The following EPB41L3 variants were observed in gnomAD, a reference collection of about 807,000 sequenced individuals.
The protein encoded by EPB41L3 is band 4.1-like protein 3.
A neutral mutation model predicts 127.1 loss-of-function variants in EPB41L3; 57 were observed. The ratio of observed to expected loss-of-function variants is 0.45; its 90% CI spans 0.36 to 0.56. The LOEUF (loss-of-function observed/expected upper bound fraction) is 0.56. Ranked by LOEUF, EPB41L3 falls within the 20% of genes least tolerant of loss-of-function variation. EPB41L3 has a pLI of 0.00. For missense variants in EPB41L3, 1,273 were observed against 1,372.2 expected, an observed-to-expected ratio of 0.93 and a Z score of 1.14; for synonymous variants, 572 against 549.5, an observed-to-expected ratio of 1.04 and a Z score of -0.57.
chr18:5,620,691 C>A (rs971547224), intron 1 of EPB41L3, among the ~76,000 whole-genome samples: 2 of 152,064 alleles, frequency 1.3e-5, no homozygotes, highest in African/African-American at 4.8e-5. Flanking sequence ...TGCCATCTGA[C>A]CTTTTTAAAA....
In EPB41L3 at chr18:5,620,652, T is replaced by C. The variant is rs1356434004; in HGVS notation, c.-467-6229A>G. Reference sequence around the variant, plus strand: ...GACTCATACATTTTGTGAAAGAAAGTATCTACATCATCCGATCTTTTAAAA... The same window carrying C: ...GACTCATACATTTTGTGAAAGAAAGCATCTACATCATCCGATCTTTTAAAA... On this transcript the variant is annotated intron_variant, in intron 1 of 21. Transcript: ENST00000545076. 5.3e-5 allele frequency among the ~76,000 whole-genome samples: 8 copies of C among 152,330 alleles called. No individual in the cohort carries two copies. The East Asian group carries it at 1.5e-3, about 29-fold the overall frequency.
At chr18:5,453,532 CAT>C (rs1322565933) in intron 3 of EPB41L3, among the ~76,000 whole-genome samples, 1 of 152,164 alleles carries the variant, frequency 6.6e-6, no homozygotes, top group Non-Finnish European at 1.5e-5. Context: ...CAAACCCACT[CAT>C]GTTAATACAT....
upstream of EPB41L3, among the ~76,000 whole-genome samples, chr18:5,629,316 G>C (rs1289907184): frequency 6.6e-6 from 1 of 151,934 alleles, no homozygotes; most frequent in Non-Finnish European, 1.5e-5. Flanking sequence ...GCGCGCAGCT[G>C]GCGGCGAGGG....
intron 16 of EPB41L3, among the ~76,000 whole-genome samples, chr18:5,402,927 T>C (rs963894853): frequency 6.6e-6 from 1 of 152,212 alleles, no homozygotes; most frequent in African/African-American, 2.4e-5. Context: ...GAACTGACTA[T>C]AGTAATCATC....
At chr18:5,393,517 C>A (rs560573652) in intron 22 of EPB41L3, 39 bp from the exon 23 acceptor site, 23 of 699,978 alleles carry the variant, frequency 3.3e-5, no homozygotes, top group Admixed American at 2.8e-4. Flanking sequence ...CATTTGAAAA[C>A]AACTGAAAGA....
At chr18:5,599,973 A>C (rs2094573543) in intron 3 of EPB41L3, among the ~76,000 whole-genome samples, 1 of 152,156 alleles carries the variant, frequency 6.6e-6, no homozygotes, top group East Asian at 1.9e-4. Flanking sequence ...ATACCGTGAT[A>C]CAGTGATATT....
chr18:5,441,462 A>ATT (rs201943060), intron 5 of EPB41L3, among the ~76,000 whole-genome samples: 64 of 139,730 alleles, frequency 4.6e-4, no homozygotes, highest in African/African-American at 1.5e-3. Context: ...TCGAATTCCA[A>ATT]TTTTTTTTTT....
At chr18:5,542,990 C>T (rs989599077) in intron 1 of EPB41L3, among the ~76,000 whole-genome samples, 3 of 152,166 alleles carry the variant, frequency 2.0e-5, no homozygotes, top group Admixed American at 2.0e-4. Context: ...CCTAGCCTCC[C>T]CACCCCCACC....
At chr18:5,504,879 G>A (rs1335372869) in intron 1 of EPB41L3, among the ~76,000 whole-genome samples, 1 of 152,082 alleles carries the variant, frequency 6.6e-6, no homozygotes, top group Non-Finnish European at 1.5e-5. Flanking sequence ...CAGTGCTCCA[G>A]GTGCTGAGTG....
intron 1 of EPB41L3, among the ~76,000 whole-genome samples, chr18:5,628,563 T>C (rs550791391): frequency 5.6e-4 from 85 of 152,268 alleles, no homozygotes; most frequent in African/African-American, 1.9e-3. Context: ...TCCCTTTCCT[T>C]GTCTTGTGGA....
chr18:5,590,052 A>C (rs1185325815), intron 3 of EPB41L3, among the ~76,000 whole-genome samples: 2 of 152,216 alleles, frequency 1.3e-5, no homozygotes, highest in African/African-American at 4.8e-5. Flanking sequence ...AGAAACATCC[A>C]TTTATTTTCC....
chr18:5,618,513 C>T (rs1331360090), intron 1 of EPB41L3, among the ~76,000 whole-genome samples: 1 of 152,168 alleles, frequency 6.6e-6, no homozygotes, highest in Admixed American at 6.5e-5. Flanking sequence ...CAAGTTTCTC[C>T]CCACGGGATT....
intron 3 of EPB41L3, among the ~76,000 whole-genome samples, chr18:5,612,102 AAC>A (rs1386344239): frequency 6.6e-6 from 1 of 152,146 alleles, no homozygotes. Context: ...AAAAAAAAAA[AAC>A]CACTACTATC....
At chr18:5,461,933 T>C (rs1261439980) in intron 3 of EPB41L3, among the ~76,000 whole-genome samples, 1 of 152,122 alleles carries the variant, frequency 6.6e-6, no homozygotes, top group East Asian at 1.9e-4. Context: ...AAGAATCCTT[T>C]GCCTCTCTGC....
At chr18:5,553,680 A>G (rs1385195274) in intron 3 of EPB41L3, among the ~76,000 whole-genome samples, 1 of 152,208 alleles carries the variant, frequency 6.6e-6, no homozygotes, top group South Asian at 2.1e-4. Context: ...ACCCAGAATC[A>G]GCCACTTCTC....
At chr18:5,440,209 C>T (rs1036208986) in intron 5 of EPB41L3, among the ~76,000 whole-genome samples, 3 of 152,052 alleles carry the variant, frequency 2.0e-5, no homozygotes, top group African/African-American at 7.2e-5. Context: ...TAAAAATGGG[C>T]TTTGGAACCA....
At chr18:5,462,129 C>A (rs571954287) in intron 3 of EPB41L3, among the ~76,000 whole-genome samples, 5 of 152,198 alleles carry the variant, frequency 3.3e-5, no homozygotes, top group Non-Finnish European at 5.9e-5. Flanking sequence ...CCACTCTTCA[C>A]ATTTTTTAAT....
chr18:5,449,343 G>A (rs1278693198), intron 3 of EPB41L3, among the ~76,000 whole-genome samples: 2 of 152,240 alleles, frequency 1.3e-5, no homozygotes, highest in Non-Finnish European at 2.9e-5. Flanking sequence ...AAGTGCTGGT[G>A]ATGATGTGGA....
At chr18:5,442,793 T>G (rs955618189) in intron 5 of EPB41L3, among the ~76,000 whole-genome samples, 6 of 152,162 alleles carry the variant, frequency 3.9e-5, no homozygotes, top group Non-Finnish European at 7.4e-5. Flanking sequence ...TTTTAAAAAC[T>G]CCTCCTTCTC....
Sources: allele counts gnomAD v4.1 joint callset (sites outside exome capture counted in the v4.1 genomes callset), GRCh38; gene constraint gnomAD v4.1.1; transcripts MANE v1.5; gene names NCBI Gene and HGNC (gene_info 2026-07-23, HGNC 2026-07-21).